Variants in SAMD15 observed in about 807,000 individuals in gnomAD.
SAMD15 encodes the protein sterile alpha motif domain-containing protein 15.
In SAMD15, 37 loss-of-function variants were observed where a neutral mutation model predicts 50.5. That is an observed-to-expected ratio of 0.73 (90% CI 0.56 to 0.96). The LOEUF (loss-of-function observed/expected upper bound fraction) is 0.96, where lower values mean the gene tolerates loss of function less well. Among genes scored for constraint, SAMD15 ranks in the 40% least tolerant of loss-of-function variants. The pLI, the probability that SAMD15 is intolerant of heterozygous loss-of-function variation, is 0.00. For synonymous variants in SAMD15, 255 were observed against 282.8 expected, an observed-to-expected ratio of 0.90 and a Z score of 0.99; for missense variants, 789 against 783.8, an observed-to-expected ratio of 1.01 and a Z score of -0.08.
chr14:77,390,846 C>T (rs535883360), intron 2 of SAMD15, among the ~76,000 whole-genome samples, 162 bp from the exon 3 acceptor site: 13 of 152,142 alleles, frequency 8.5e-5, no homozygotes, highest in Non-Finnish European at 1.2e-4. Context: ...GCCAAGATCG[C>T]GCCACTGCAC....
chr14:77,380,168 G>A (rs1260280801), intron 1 of SAMD15, among the ~76,000 whole-genome samples: 1 of 152,198 alleles, frequency 6.6e-6, no homozygotes, highest in Non-Finnish European at 1.5e-5. Flanking sequence ...GACTGCTTGA[G>A]TCCAGGAGTT....
intron 2 of SAMD15, among the ~76,000 whole-genome samples, chr14:77,384,403 T>G (rs1163450182): frequency 3.3e-5 from 5 of 152,230 alleles, no homozygotes; most frequent in Non-Finnish European, 2.9e-5. Flanking sequence ...TCTTCTACAT[T>G]TAATTGTCCC....
Position 77,388,476 on chromosome 14 carries a change from G to C in SAMD15, c.1789-2532G>C, listed in dbSNP as rs183799479. Among the ~76,000 whole-genome samples the C allele has an allele frequency of 5.5e-4, 84 of 151,516 alleles. 1 individual carries two copies. Among genetic ancestry groups the C allele is most frequent in the African/African-American group, 1.8e-3 (73 of 41,264 alleles). Reference sequence around the variant, plus strand: ...TACCTAGGCCGCAGTGCAGTGGCATGATCATGGCTCCTCACTGCAGTCTCA... The same window carrying C: ...TACCTAGGCCGCAGTGCAGTGGCATCATCATGGCTCCTCACTGCAGTCTCA... On this transcript the variant is annotated intron_variant, in intron 2 of 2. Coordinates refer to ENST00000216471, the MANE Select transcript of SAMD15 (RefSeq NM_001010860.4).
At chr14:77,390,547 T>C (rs1894060444) in intron 2 of SAMD15, among the ~76,000 whole-genome samples, 1 of 152,178 alleles carries the variant, frequency 6.6e-6, no homozygotes. Context: ...TTTGGTAAGG[T>C]TAGGCTAGTA....
At chr14:77,381,235 CT>C (rs1893940039) in intron 2 of SAMD15, among the ~76,000 whole-genome samples, 1 of 152,222 alleles carries the variant, frequency 6.6e-6, no homozygotes, top group African/African-American at 2.4e-5. Context: ...TGCTGCCTAA[CT>C]TTGAAACAAG....
rs778265714 is a variant in SAMD15, at chr14:77,380,478, G to A, written c.1785G>A (p.Met595Ile). 2 of 1,607,258 alleles carry A rather than the reference G, an allele frequency of 1.2e-6. No homozygotes were observed. Among genetic ancestry groups the A allele is most frequent in the South Asian group, 1.1e-5 (1 of 90,956 alleles). The change falls in exon 2 of 3, where the codon ATG (methionine) becomes ATA (isoleucine). Residue 595 changes from methionine to isoleucine, a missense_variant. This residue lies in a region of SAMD15 where 770 missense variants were observed against 745.4 expected (regional missense o/e 1.03). Transcript: ENST00000216471. ...PQMGITNFED[M>I]KAISRHTQEL... ...TGGGGATAACAAACTTTGAGGACAT[G>A]AAGGTGAGTTGTGTCCAAAGTTTCC...
rs189678411 is a variant in SAMD15, at chr14:77,391,823, G to A, written c.*579G>A. ...AATCCTAGCTCTTTGGGTGGCTGAG[G>A]CGGGCAGATCACCTAAGGTCAGGAT... On this transcript the variant is annotated 3_prime_UTR_variant, in exon 3 of 3. Coordinates refer to ENST00000216471, the MANE Select transcript of SAMD15 (RefSeq NM_001010860.4). 5.7e-4 allele frequency among the ~76,000 whole-genome samples: 86 copies of A among 152,212 alleles called. 1 individual carries two copies. The highest frequency in any genetic ancestry group is 1.8e-3 in the African/African-American group (75 of 41,536).
chr14:77,380,378 G>T lies in SAMD15; in HGVS notation c.1690-5G>T. 1 of 1,593,266 alleles carries T rather than the reference G, an allele frequency of 6.3e-7. No homozygotes were observed. Among genetic ancestry groups the T allele is most frequent in the South Asian group, 1.1e-5 (1 of 90,638 alleles). On this transcript the variant is annotated splice_polypyrimidine_tract_variant and splice_region_variant and intron_variant, in intron 1 of 2. Transcript: ENST00000216471. ...TTTTAAGTGATGTCCTTGTTGTATT[G>T]ACAGGAGTGTTTTATCACAAACTTC...
chr14:77,390,695 G>A (rs1239051750), intron 2 of SAMD15, among the ~76,000 whole-genome samples: 1 of 152,110 alleles, frequency 6.6e-6, no homozygotes, highest in Non-Finnish European at 1.5e-5. Context: ...TTCGAGACCA[G>A]CCTGGCCGAC....
chr14:77,385,706 C>T (rs1893997215), intron 2 of SAMD15, among the ~76,000 whole-genome samples: 1 of 152,186 alleles, frequency 6.6e-6, no homozygotes, highest in African/African-American at 2.4e-5. Flanking sequence ...TCTCGCCTTA[C>T]AGTATCTAGA....
intron 2 of SAMD15, among the ~76,000 whole-genome samples, chr14:77,390,090 G>T (rs149367283): frequency 1.3e-5 from 2 of 151,810 alleles, no homozygotes; most frequent in East Asian, 3.9e-4. Flanking sequence ...CCATCTCCCA[G>T]GTTCAAGCGA....
chr14:77,377,954 GAA>G lies in SAMD15; in HGVS notation c.538_539del (p.Asn180PhefsTer9), dbSNP rs376773697. On this transcript the variant is annotated frameshift_variant, in exon 1 of 3. Transcript: ENST00000216471. LOFTEE classifies it high-confidence loss of function. Reference sequence around the variant, plus strand: ...GTTTCGGGGGCCACAGTCAGAGAGAGAAATTTAGAATTACTAGAGGAGGAGAC... The same window carrying G: ...GTTTCGGGGGCCACAGTCAGAGAGAGATTTAGAATTACTAGAGGAGGAGAC... The G allele has an allele frequency of 6.2e-5, 100 of 1,614,082 alleles. No individual in the cohort carries two copies. In the African/African-American group the frequency reaches 1.2e-3, roughly 20 times the overall value.
chr14:77,391,250 A>C lies in SAMD15; in HGVS notation c.*6A>C. 1 of 1,550,998 alleles carries C rather than the reference A, an allele frequency of 6.4e-7. No individual in the cohort carries two copies. The highest frequency in any genetic ancestry group is 1.7e-4 in the Middle Eastern group (1 of 5,912). ...TACCTTGCACTGAACCATAGGGGAAATCCACTTCACAGAGCTTGAAAGATC... is the reference window on the plus strand; with the variant it reads ...TACCTTGCACTGAACCATAGGGGAACTCCACTTCACAGAGCTTGAAAGATC... On this transcript the variant is annotated 3_prime_UTR_variant, in exon 3 of 3. Coordinates refer to ENST00000216471, the MANE Select transcript of SAMD15 (RefSeq NM_001010860.4).
chr14:77,381,305 T>G (rs962588686), intron 2 of SAMD15, among the ~76,000 whole-genome samples: 1 of 152,250 alleles, frequency 6.6e-6, no homozygotes, highest in African/African-American at 2.4e-5. Context: ...CAGTTCATGA[T>G]TATTCTCCTT....
rs1484248817 is a variant in SAMD15, at chr14:77,378,694, G to GA, written c.1278dup (p.Pro427ThrfsTer5). On this transcript the variant is annotated frameshift_variant, in exon 1 of 3. Transcript: ENST00000216471. LOFTEE classifies it high-confidence loss of function. ...AGAATTTTCCAAGGAAGACAGGCCA[G>GA]AACCAATAAAGTCTAAGTATTCTGT... is the stretch of plus-strand genomic sequence containing the variant. 1 of 1,614,124 alleles carries GA rather than the reference G, an allele frequency of 6.2e-7. No homozygotes were observed. Among genetic ancestry groups the GA allele is most frequent in the Admixed American group, 1.7e-5 (1 of 60,010 alleles).
At chr14:77,388,179 C>T (rs1196898555) in intron 2 of SAMD15, among the ~76,000 whole-genome samples, 2 of 152,298 alleles carry the variant, frequency 1.3e-5, no homozygotes, top group Admixed American at 1.3e-4. Flanking sequence ...TATATGACTG[C>T]AGTGTACCTC....
At chr14:77,386,431 T>C (rs893062040) in intron 2 of SAMD15, among the ~76,000 whole-genome samples, 2 of 152,308 alleles carry the variant, frequency 1.3e-5, no homozygotes, top group Middle Eastern at 6.8e-3. Context: ...TAATCCATGT[T>C]GTTAGATGAA....
Position 77,391,872 on chromosome 14 carries a change from G to A in SAMD15, c.*628G>A, listed in dbSNP as rs963324557. On this transcript the variant is annotated 3_prime_UTR_variant, in exon 3 of 3. Transcript: ENST00000216471. ...ATTTCAAGACCAGCCTGGCCAACAA[G>A]GTGAAGCCCTGTCTCTACTAAAAAT... Among the ~76,000 whole-genome samples, 7 of 152,210 alleles carry A rather than the reference G, an allele frequency of 4.6e-5. No homozygotes were observed. Among genetic ancestry groups the A allele is most frequent in the African/African-American group, 1.7e-4 (7 of 41,546 alleles).
At chr14:77,387,230 C>G (rs750871277) in intron 2 of SAMD15, among the ~76,000 whole-genome samples, 1 of 151,726 alleles carries the variant, frequency 6.6e-6, no homozygotes, top group Non-Finnish European at 1.5e-5. Context: ...CCTAGGAATT[C>G]GAGACCAGCC....
Sources: gnomAD v4.1 joint callset for allele counts (sites outside exome capture counted in the v4.1 genomes callset) on GRCh38, gnomAD v4.1.1 for gene constraint, gnomAD v4.1.1 regional missense constraint, MANE v1.5 for transcripts, NCBI Gene and HGNC (gene_info 2026-07-23, HGNC 2026-07-21) for gene names.